Variants in PAK5 observed in about 807,000 individuals in gnomAD.
PAK5 encodes serine/threonine-protein kinase PAK 5.
Under a neutral mutation model 65.9 loss-of-function variants are expected in PAK5, and 16 were observed. The ratio of observed to expected loss-of-function variants is 0.24; its 90% CI spans 0.16 to 0.37. The LOEUF is 0.37. Among genes scored for constraint, PAK5 ranks in the 10% least tolerant of loss-of-function variants. The pLI is 1.00. For missense variants in PAK5, 785 were observed against 903.9 expected, an observed-to-expected ratio of 0.87 and a Z score of 1.69; for synonymous variants, 371 against 354.9, an observed-to-expected ratio of 1.05 and a Z score of -0.51.
At chr20:9,692,753 G>A (rs1276333021) in intron 2 of PAK5, among the ~76,000 whole-genome samples, 3 of 152,096 alleles carry the variant, frequency 2.0e-5, no homozygotes, top group Non-Finnish European at 4.4e-5. Context: ...CCAAAACTGG[G>A]AGGAAGGATG....
At chr20:9,640,950 A>G (rs1340999945) in intron 3 of PAK5, among the ~76,000 whole-genome samples, 1 of 152,198 alleles carries the variant, frequency 6.6e-6, no homozygotes. Flanking sequence ...CAAAGCTTCC[A>G]CAGTGTGGAA....
At chr20:9,739,806 G>A (rs1249639305) in intron 1 of PAK5, among the ~76,000 whole-genome samples, 1 of 152,116 alleles carries the variant, frequency 6.6e-6, no homozygotes, top group Admixed American at 6.5e-5. Context: ...ACAAGAAAAT[G>A]CTCAAGATAG....
rs1241426123 is a variant in PAK5, at chr20:9,838,317, T to C, written c.-162+445A>G. 6.6e-6 allele frequency among the ~76,000 whole-genome samples: 1 copy of C among 152,078 alleles called. No individual in the cohort carries two copies. The highest frequency in any genetic ancestry group is 1.5e-5 in the Non-Finnish European group (1 of 68,012). ...GACAAAAACCATGCGGGAATCCTGC[T>C]CTGGCAATATGTCCAACACTTCTCG... is the stretch of plus-strand genomic sequence containing the variant. On this transcript the variant is annotated intron_variant, in intron 1 of 9. Coordinates refer to ENST00000353224, the MANE Select transcript of PAK5 (RefSeq NM_177990.4). The surrounding 1 kb of genome is among the most constrained non-coding windows in gnomAD (Gnocchi z 4.5).
intron 3 of PAK5, among the ~76,000 whole-genome samples, chr20:9,617,010 A>C (rs1234334709): frequency 6.6e-6 from 1 of 152,252 alleles, no homozygotes; most frequent in African/African-American, 2.4e-5. Flanking sequence ...TTCAGACAGA[A>C]TAAGCCTGAG....
Position 9,562,829 on chromosome 20 carries a change from C to T in PAK5, c.1616+62G>A, listed in dbSNP as rs554939517. 361 of 1,492,534 alleles carry T rather than the reference C, an allele frequency of 2.4e-4. 1 individual carries two copies. The highest frequency in any genetic ancestry group is 1.6e-3 in the Middle Eastern group (9 of 5,642). 92.5% of individuals were successfully genotyped at this position (1,492,534 alleles called of 1,614,324 possible). ...ATTTATGAAGAGTTCATAGTCACTG[C>T]GGCTTTATCCTGGAGAAGAATAAGA... On this transcript the variant is annotated intron_variant, in intron 6 of 9. Transcript: ENST00000353224.
chr20:9,607,403 CA>C (rs1388645986), intron 3 of PAK5, among the ~76,000 whole-genome samples: 2 of 152,182 alleles, frequency 1.3e-5, no homozygotes, highest in Non-Finnish European at 2.9e-5. Flanking sequence ...AGAGATATGA[CA>C]AAATATGCAA....
intron 1 of PAK5, among the ~76,000 whole-genome samples, chr20:9,811,993 C>A (rs2049303242): frequency 1.3e-5 from 2 of 152,092 alleles, no homozygotes; most frequent in African/African-American, 4.8e-5. Flanking sequence ...CATATACATA[C>A]CTAGTTGTGT....
intron 1 of PAK5, among the ~76,000 whole-genome samples, chr20:9,795,813 G>A (rs1367078310): frequency 1.3e-5 from 2 of 152,020 alleles, no homozygotes; most frequent in Non-Finnish European, 2.9e-5. Flanking sequence ...AACTCACAGA[G>A]GGAGAGAGGA....
chr20:9,779,547 T>G (rs900481150), intron 1 of PAK5, among the ~76,000 whole-genome samples: 4 of 151,794 alleles, frequency 2.6e-5, no homozygotes, highest in Admixed American at 2.0e-4. Flanking sequence ...TATTAGCATT[T>G]TGGTTGATAC....
intron 3 of PAK5, among the ~76,000 whole-genome samples, chr20:9,595,972 C>A (rs1458882355): frequency 6.6e-6 from 1 of 151,988 alleles, no homozygotes; most frequent in Non-Finnish European, 1.5e-5. Flanking sequence ...ACTTGCATTC[C>A]CTTCTGTCTC....
At chr20:9,645,401 C>G (rs1429270564) in intron 2 of PAK5, among the ~76,000 whole-genome samples, 1 of 152,184 alleles carries the variant, frequency 6.6e-6, no homozygotes, top group Non-Finnish European at 1.5e-5. Flanking sequence ...TCACTGTGAT[C>G]CCAGATAATT....
chr20:9,778,944 T>G (rs2048914080), intron 1 of PAK5, among the ~76,000 whole-genome samples: 1 of 152,218 alleles, frequency 6.6e-6, no homozygotes, highest in African/African-American at 2.4e-5. Context: ...CACGTAATCT[T>G]TCTTCTGGCC....
intron 2 of PAK5, among the ~76,000 whole-genome samples, chr20:9,659,298 C>T (rs1322647150): frequency 6.6e-6 from 1 of 152,144 alleles, no homozygotes; most frequent in Non-Finnish European, 1.5e-5. Context: ...AGCCAGAGAA[C>T]CTTATGTAAC....
intron 2 of PAK5, among the ~76,000 whole-genome samples, chr20:9,678,819 C>G (rs2123395512): frequency 6.6e-6 from 1 of 152,164 alleles, no homozygotes; most frequent in South Asian, 2.1e-4. Flanking sequence ...GGTCACCGCC[C>G]CCATGATTAA....
chr20:9,583,045 G>A (rs1279291325), intron 3 of PAK5, among the ~76,000 whole-genome samples: 1 of 151,986 alleles, frequency 6.6e-6, no homozygotes, highest in African/African-American at 2.4e-5. Flanking sequence ...TTTCTCCAAG[G>A]AACGCTAATA....
At chr20:9,558,810 C>T (rs533408101) in intron 6 of PAK5, among the ~76,000 whole-genome samples, 13 of 152,230 alleles carry the variant, frequency 8.5e-5, no homozygotes, top group Non-Finnish European at 1.3e-4. Flanking sequence ...GAATGAGAAA[C>T]GAAGCAAAGC....
intron 1 of PAK5, among the ~76,000 whole-genome samples, chr20:9,747,345 A>G (rs1292125886): frequency 6.6e-6 from 1 of 152,128 alleles, no homozygotes; most frequent in Non-Finnish European, 1.5e-5. Flanking sequence ...TGAGGCCAGC[A>G]TCATCCTGAT....
chr20:9,785,255 T>A (rs952734610), intron 1 of PAK5, among the ~76,000 whole-genome samples: 1 of 152,164 alleles, frequency 6.6e-6, no homozygotes, highest in Non-Finnish European at 1.5e-5. Context: ...TCCCCAAAGG[T>A]GGCAAATTAG....
chr20:9,809,340 T>TTG (rs1480248432), intron 1 of PAK5, among the ~76,000 whole-genome samples: 16 of 151,188 alleles, frequency 1.1e-4, no homozygotes, highest in Admixed American at 9.2e-4. Context: ...TCCAAATTTT[T>TTG]TTTTTTTTTT....
Sources: allele counts gnomAD v4.1 joint callset (sites outside exome capture counted in the v4.1 genomes callset), GRCh38; gene constraint gnomAD v4.1.1; non-coding constraint Gnocchi (gnomAD v3.1); transcripts MANE v1.5; gene names NCBI Gene and HGNC (gene_info 2026-07-23, HGNC 2026-07-21).